The following RALGPS1 variants were observed in gnomAD, a reference collection of about 807,000 sequenced individuals.
The protein encoded by RALGPS1 is Ral GEF with PH domain and SH3 binding motif 1.
RALGPS1 carries 19 observed loss-of-function variants against 78.8 expected under a neutral mutation model. The ratio of observed to expected loss-of-function variants is 0.24; its 90% CI spans 0.17 to 0.35. The LOEUF (loss-of-function observed/expected upper bound fraction) is 0.35, where lower values mean the gene tolerates loss of function less well. Ranked by LOEUF, RALGPS1 falls within the 10% of genes least tolerant of loss-of-function variation. The pLI is 1.00. For synonymous variants in RALGPS1, 228 were observed against 256.3 expected (o/e 0.89, Z 1.06); for missense variants, 454 against 688.3 (o/e 0.66, Z 3.81).
chr9:126,982,072 C>T (rs1225135055), intron 4 of RALGPS1, among the ~76,000 whole-genome samples: 1 of 152,202 alleles, frequency 6.6e-6, no homozygotes. Context: ...CAGTTGACTT[C>T]TCCTAGAATG....
Position 127,023,064 on chromosome 9 carries a change from T to C in RALGPS1, c.217-11367T>C, listed in dbSNP as rs573498436. On this transcript the variant is annotated intron_variant, in intron 4 of 18. Coordinates refer to ENST00000259351, the MANE Select transcript of RALGPS1 (RefSeq NM_014636.3). ...TTCCTTTTTCTCTTCCTTCCTCCTT[T>C]ATGGTTTCATATCAACTCTTTCCCT... Among the ~76,000 whole-genome samples, 8 of 152,294 alleles carry C rather than the reference T, an allele frequency of 5.3e-5. No individual in the cohort carries two copies. In the East Asian group the frequency reaches 1.5e-3, roughly 29 times the overall value.
chr9:127,148,777 G>A (rs558546712), intron 8 of RALGPS1, among the ~76,000 whole-genome samples: 40 of 152,242 alleles, frequency 2.6e-4, no homozygotes, highest in Non-Finnish European at 3.8e-4. Context: ...GAGGCTCAGA[G>A]AGGAGGCAAG....
rs2061890692 is a variant in RALGPS1 at position 127,205,600 on chromosome 9, T to G, written c.1248-6531T>G. 6.6e-6 allele frequency among the ~76,000 whole-genome samples: 1 copy of G among 152,180 alleles called. No individual in the cohort carries two copies. Among genetic ancestry groups the G allele is most frequent in the South Asian group, 2.1e-4 (1 of 4,828 alleles). On this transcript the variant is annotated intron_variant, in intron 14 of 18. Coordinates refer to ENST00000259351, the MANE Select transcript of RALGPS1 (RefSeq NM_014636.3). The surrounding 1 kb of genome is among the most constrained non-coding windows in gnomAD (Gnocchi z 4.0). ...TTCTCTGTCCAATATCTACAATTCC[T>G]CCAGAGTCAGCACCTAGAAAGCGGG...
intron 4 of RALGPS1, among the ~76,000 whole-genome samples, chr9:127,009,783 C>T (rs1258632916): frequency 6.6e-6 from 1 of 152,146 alleles, no homozygotes; most frequent in East Asian, 1.9e-4. Flanking sequence ...CCCAGCATAC[C>T]TGTGAGATAG....
chr9:126,918,800 G>A (rs1417253483), intron 1 of RALGPS1, among the ~76,000 whole-genome samples: 1 of 151,808 alleles, frequency 6.6e-6, no homozygotes, highest in African/African-American at 2.4e-5. Flanking sequence ...AGCCTCCAGA[G>A]TAGCTGGGAT....
intron 1 of RALGPS1, among the ~76,000 whole-genome samples, chr9:126,958,123 CTT>C (rs2038505336): frequency 2.4e-5 from 1 of 41,540 alleles, no homozygotes; most frequent in Admixed American, 3.2e-4. Context: ...AGAGCTGTCT[CTT>C]TAAAAAAAAA....
intron 4 of RALGPS1, among the ~76,000 whole-genome samples, chr9:127,009,375 A>G (rs1474582387): frequency 6.6e-6 from 1 of 152,064 alleles, no homozygotes; most frequent in Non-Finnish European, 1.5e-5. Flanking sequence ...AGATTTCTCA[A>G]CACCTGTGGC....
intron 8 of RALGPS1, among the ~76,000 whole-genome samples, chr9:127,076,452 C>T (rs1051405560): frequency 1.3e-5 from 2 of 152,066 alleles, no homozygotes; most frequent in Non-Finnish European, 2.9e-5. Context: ...GTAAATTTAC[C>T]CAGACTTCTA....
chr9:127,076,663 A>C (rs1239700353), intron 8 of RALGPS1, among the ~76,000 whole-genome samples: 1 of 152,240 alleles, frequency 6.6e-6, no homozygotes, highest in African/African-American at 2.4e-5. Context: ...TTGGTCAAAA[A>C]AAGTGTTTAC....
intron 14 of RALGPS1, among the ~76,000 whole-genome samples, chr9:127,202,426 C>T (rs1295925722): frequency 6.6e-6 from 1 of 152,114 alleles, no homozygotes; most frequent in Admixed American, 6.5e-5. Flanking sequence ...TAAAGAGCTT[C>T]CACACGGGAG....
chr9:126,948,698 A>G (rs2037511184), intron 1 of RALGPS1, among the ~76,000 whole-genome samples: 1 of 152,162 alleles, frequency 6.6e-6, no homozygotes, highest in Admixed American at 6.5e-5. Flanking sequence ...TGCCTGTCAC[A>G]GGATGGCTGC....
chr9:127,012,241 A>T (rs570558476), intron 4 of RALGPS1, among the ~76,000 whole-genome samples: 1 of 152,192 alleles, frequency 6.6e-6, no homozygotes, highest in South Asian at 2.1e-4. Context: ...TAGTCATCTC[A>T]TGTTTGTTTT....
chr9:127,050,187 T>A, intron 6 of RALGPS1, 55 bp downstream of exon 6: 1 of 1,360,184 alleles, frequency 7.4e-7, no homozygotes, highest in Non-Finnish European at 1.1e-6. Flanking sequence ...CCACACCTCC[T>A]CCCCAAAAAT....
At chr9:127,082,240 AG>A (rs993203918) in intron 8 of RALGPS1, among the ~76,000 whole-genome samples, 2 of 152,184 alleles carry the variant, frequency 1.3e-5, no homozygotes, top group Non-Finnish European at 2.9e-5. Context: ...GTAGCAAAGC[AG>A]GGGGGCTGAT....
intron 5 of RALGPS1, among the ~76,000 whole-genome samples, chr9:127,036,681 C>T (rs915066953): frequency 1.1e-4 from 17 of 152,102 alleles, no homozygotes; most frequent in Non-Finnish European, 2.9e-5. Context: ...GGGATTTGCT[C>T]ATAGAGTGGC....
chr9:127,113,509 C>G (rs1244514725), intron 8 of RALGPS1, among the ~76,000 whole-genome samples: 5 of 150,494 alleles, frequency 3.3e-5, no homozygotes, highest in African/African-American at 1.2e-4. Context: ...ACCCCCCACC[C>G]CCACCCCGGC....
intron 4 of RALGPS1, among the ~76,000 whole-genome samples, chr9:126,985,550 C>G (rs2041719068): frequency 6.6e-6 from 1 of 152,034 alleles, no homozygotes; most frequent in Non-Finnish European, 1.5e-5. Context: ...TGGTTCCTAG[C>G]AACATTACTT....
intron 4 of RALGPS1, among the ~76,000 whole-genome samples, chr9:126,999,437 C>A (rs1305309631): frequency 2.0e-5 from 3 of 152,214 alleles, no homozygotes; most frequent in Non-Finnish European, 4.4e-5. Flanking sequence ...TAGTGTCATA[C>A]AGAATAGTTT....
intron 8 of RALGPS1, among the ~76,000 whole-genome samples, chr9:127,116,969 C>T (rs947791147): frequency 2.0e-5 from 3 of 152,160 alleles, no homozygotes; most frequent in Non-Finnish European, 2.9e-5. Flanking sequence ...GCCTCCCTGC[C>T]TTTGGGTGCT....
Sources: allele counts gnomAD v4.1 joint callset (sites outside exome capture counted in the v4.1 genomes callset), GRCh38; gene constraint gnomAD v4.1.1; non-coding constraint Gnocchi (gnomAD v3.1); transcripts MANE v1.5; gene names NCBI Gene and HGNC (gene_info 2026-07-23, HGNC 2026-07-21).